Variants in CA10 observed in about 807,000 individuals in gnomAD.
CA10 encodes the protein carbonic anhydrase-related protein 10.
A neutral mutation model predicts 44.2 loss-of-function variants in CA10; 14 were observed. The observed-to-expected ratio is 0.32, with a 90% CI of 0.21 to 0.50. CA10 has a LOEUF of 0.50. Among genes scored for constraint, CA10 ranks in the 20% least tolerant of loss-of-function variants. The pLI, the probability that CA10 is intolerant of heterozygous loss-of-function variation, is 0.99. For synonymous variants in CA10, 159 were observed against 141.6 expected, an observed-to-expected ratio of 1.12 and a Z score of -0.87; for missense variants, 350 against 409.7, an observed-to-expected ratio of 0.85 and a Z score of 1.26.
intron 4 of CA10, among the ~76,000 whole-genome samples, chr17:51,669,821 A>G (rs1259264014): frequency 6.6e-6 from 1 of 152,246 alleles, no homozygotes; most frequent in Non-Finnish European, 1.5e-5. Flanking sequence ...TCTTGAAGTC[A>G]GCAAGACCAA....
rs1038806812 is a variant in CA10, at chr17:52,118,075, A to G, written c.61+39651T>C. On this transcript the variant is annotated intron_variant, in intron 1 of 8. Transcript: ENST00000451037. The stretch of plus-strand genomic sequence containing the variant: ...TCTTTAGCAAAATTTGTAGAGGGTT[A>G]TAAAAGGATTATAAGGATCTCACCT... 2.6e-5 allele frequency among the ~76,000 whole-genome samples: 4 copies of G among 152,242 alleles called. No homozygotes were observed. In the South Asian group the frequency reaches 8.3e-4, roughly 31 times the overall value.
chr17:51,831,587 AATTT>A (rs1473370307), intron 3 of CA10, among the ~76,000 whole-genome samples: 1 of 151,998 alleles, frequency 6.6e-6, no homozygotes, highest in Non-Finnish European at 1.5e-5. Flanking sequence ...ACATCTTTTC[AATTT>A]ATTTTTCCAA....
chr17:51,862,761 T>A (rs1979369549), intron 3 of CA10, among the ~76,000 whole-genome samples: 1 of 152,012 alleles, frequency 6.6e-6, no homozygotes, highest in Non-Finnish European at 1.5e-5. Flanking sequence ...CCTTTTTTTT[T>A]CTCTGTGTGT....
chr17:51,717,981 TTGTA>T (rs1481855633), intron 4 of CA10, among the ~76,000 whole-genome samples: 1 of 148,154 alleles, frequency 6.7e-6, no homozygotes, highest in Non-Finnish European at 1.5e-5. Context: ...TGGAAAATCA[TTGTA>T]TGTTCTCACG....
At chr17:51,952,090 A>T (rs1256324326) in intron 2 of CA10, among the ~76,000 whole-genome samples, 1 of 152,208 alleles carries the variant, frequency 6.6e-6, no homozygotes, top group Non-Finnish European at 1.5e-5. Context: ...TCTACTTTCT[A>T]TTAGAACCAG....
intron 4 of CA10, among the ~76,000 whole-genome samples, chr17:51,687,221 T>C (rs1399009408): frequency 6.6e-6 from 1 of 152,234 alleles, no homozygotes. Context: ...TTCATTTGTG[T>C]AAAATATACT....
intron 3 of CA10, among the ~76,000 whole-genome samples, chr17:51,832,544 T>C (rs1436985686): frequency 6.6e-6 from 1 of 152,184 alleles, no homozygotes; most frequent in Non-Finnish European, 1.5e-5. Context: ...AGGAAGAATC[T>C]GGTAAGTGTT....
intron 3 of CA10, among the ~76,000 whole-genome samples, chr17:51,808,801 T>C (rs1907239371): frequency 6.6e-6 from 1 of 152,200 alleles, no homozygotes; most frequent in Non-Finnish European, 1.5e-5. Context: ...CAACAATGAT[T>C]ACGTTTAGGT....
At chr17:52,030,592 A>G (rs1986436035) in intron 2 of CA10, among the ~76,000 whole-genome samples, 1 of 152,164 alleles carries the variant, frequency 6.6e-6, no homozygotes. Flanking sequence ...AATACCTAGA[A>G]ACTTGGTAAA....
At chr17:51,631,866 C>A (rs1912596140) in intron 8 of CA10, among the ~76,000 whole-genome samples, 1 of 152,130 alleles carries the variant, frequency 6.6e-6, no homozygotes, top group African/African-American at 2.4e-5. Flanking sequence ...AAATTAGTTG[C>A]ATCATTGTAC....
chr17:51,845,779 C>T (rs1978468148), intron 3 of CA10, among the ~76,000 whole-genome samples: 1 of 152,190 alleles, frequency 6.6e-6, no homozygotes, highest in Non-Finnish European at 1.5e-5. Context: ...GTCATATAGG[C>T]CCATCATCTC....
chr17:51,717,952 A>C (rs1355158634), intron 4 of CA10, among the ~76,000 whole-genome samples: 1 of 144,548 alleles, frequency 6.9e-6, no homozygotes, highest in Non-Finnish European at 1.5e-5. Flanking sequence ...CTATTATTTT[A>C]AGTGAAGTAA....
chr17:51,649,040 A>C (rs1238303800), intron 6 of CA10, 142 bp downstream of exon 6: 1 of 619,052 alleles, frequency 1.6e-6, no homozygotes, highest in Non-Finnish European at 2.9e-6. Context: ...CCAAACCCTA[A>C]TCTCCAGAGT....
intron 2 of CA10, among the ~76,000 whole-genome samples, chr17:51,958,448 T>C (rs117990940): frequency 0.031 from 4,649 of 152,200 alleles, 89 homozygotes; most frequent in South Asian, 0.063. Context: ...CTTTCCTAGA[T>C]AGCACAGGGT....
intron 3 of CA10, among the ~76,000 whole-genome samples, chr17:51,752,499 C>T (rs544132540): frequency 2.0e-5 from 3 of 151,882 alleles, no homozygotes; most frequent in Non-Finnish European, 4.4e-5. Flanking sequence ...AGGAAGTAAG[C>T]GGGGGCTGGT....
intron 2 of CA10, among the ~76,000 whole-genome samples, chr17:51,950,726 TCA>T (rs1163946424): frequency 3.9e-5 from 6 of 152,150 alleles, no homozygotes; most frequent in African/African-American, 1.4e-4. Context: ...TGCACTCTCC[TCA>T]GACATTTACT....
intron 6 of CA10, among the ~76,000 whole-genome samples, chr17:51,639,529 G>A (rs192238186): frequency 6.6e-6 from 1 of 152,198 alleles, no homozygotes; most frequent in African/African-American, 2.4e-5. Flanking sequence ...ACACCGTAGT[G>A]CTGATACCCC....
rs190651471 is a variant in CA10, at chr17:51,726,732, T to A, written c.465+20901A>T. The stretch of plus-strand genomic sequence containing the variant: ...TGGAAAGCACAGAGCATATTCTATA[T>A]ATATTCTGTTCCCCTACTATGACAA... On this transcript the variant is annotated intron_variant, in intron 4 of 8. Transcript: ENST00000451037. Among the ~76,000 whole-genome samples, 56 of 152,314 alleles carry A rather than the reference T, an allele frequency of 3.7e-4. 1 individual carries two copies. The highest frequency in any genetic ancestry group is 1.1e-3 in the African/African-American group (46 of 41,564).
chr17:51,665,297 ATAT>A (rs926443139), intron 4 of CA10, among the ~76,000 whole-genome samples: 36 of 151,488 alleles, frequency 2.4e-4, no homozygotes, highest in African/African-American at 8.6e-4. Flanking sequence ...TAGGGGATGA[ATAT>A]TAGAAAGAGC....
Sources: allele counts gnomAD v4.1 joint callset (sites outside exome capture counted in the v4.1 genomes callset), GRCh38; gene constraint gnomAD v4.1.1; transcripts MANE v1.5; gene names NCBI Gene and HGNC (gene_info 2026-07-23, HGNC 2026-07-21).